Variants in DLGAP1 observed in about 807,000 individuals in gnomAD.
DLGAP1 encodes the protein DLG associated protein 1.
Under a neutral mutation model 90.8 loss-of-function variants are expected in DLGAP1, and 11 were observed. That is an observed-to-expected ratio of 0.12 (90% confidence interval 0.08 to 0.20). The LOEUF is 0.20. Ranked by LOEUF, DLGAP1 falls within the 10% of genes least tolerant of loss-of-function variation. The pLI is 1.00. For missense variants in DLGAP1, 1,050 were observed against 1,333.8 expected (o/e 0.79, Z 3.31); for synonymous variants, 558 against 540.7 (o/e 1.03, Z -0.44).
intron 7 of DLGAP1, among the ~76,000 whole-genome samples, chr18:3,619,045 C>A (rs949130574): frequency 1.1e-4 from 16 of 152,120 alleles, no homozygotes; most frequent in Admixed American, 9.2e-4. Flanking sequence ...CGTGCATAGA[C>A]CAAGTGAGGA....
In DLGAP1 at chr18:3,974,084, T is replaced by A. The variant is rs374592999; in HGVS notation, c.-73+31032A>T. Among the ~76,000 whole-genome samples, 267 of 152,152 alleles carry A rather than the reference T, an allele frequency of 1.8e-3. 6 individuals are homozygous for A. The South Asian group carries it at 0.027, about 15-fold the overall frequency. ...GCACAGTAAAGACACTTTTTATTTT[T>A]TTTTTTTTTGAGAAGGAGTCTCACT... is the stretch of plus-strand genomic sequence containing the variant. On this transcript the variant is annotated intron_variant, in intron 3 of 12. Transcript: ENST00000315677.
At chr18:3,859,049 C>G (rs2069857286) in intron 4 of DLGAP1, among the ~76,000 whole-genome samples, 1 of 152,160 alleles carries the variant, frequency 6.6e-6, no homozygotes, top group Non-Finnish European at 1.5e-5. Flanking sequence ...TTAATTGCAA[C>G]TCAAAAATTA....
At chr18:4,118,333 T>G (rs986562015) in intron 2 of DLGAP1, among the ~76,000 whole-genome samples, 2 of 152,148 alleles carry the variant, frequency 1.3e-5, no homozygotes, top group Non-Finnish European at 1.5e-5. Flanking sequence ...GAACCCACTC[T>G]TGTCCCAGAG....
Position 3,653,411 on chromosome 18 carries a change from T to C in DLGAP1, c.1592-71163A>G, listed in dbSNP as rs1473712015. On this transcript the variant is annotated intron_variant, in intron 7 of 12. Coordinates refer to ENST00000315677, the MANE Select transcript of DLGAP1 (RefSeq NM_004746.4). This position sits in a 1 kb window ranked among gnomAD's most constrained non-coding sequence, Gnocchi z 4.6. ...ACTGAACTTTTTCCCTATTCACTTA[T>C]TTTTCCTCATTGCAAAATAATCAAA... The C allele has an allele frequency of 1.3e-5, 2 of 152,238 alleles. No homozygotes were observed. Among genetic ancestry groups the C allele is most frequent in the African/African-American group, 2.4e-5 (1 of 41,470 alleles). 9.4% of individuals were successfully genotyped at this position (152,238 alleles called of 1,614,324 possible). A position where few individuals can be genotyped will look rare whatever the true frequency, so the allele number is the denominator to read the frequency against.
rs368385922 is a variant in DLGAP1 at position 3,694,570 on chromosome 18, G to A, written c.1591+34565C>T. On this transcript the variant is annotated intron_variant, in intron 7 of 12. Coordinates refer to ENST00000315677, the MANE Select transcript of DLGAP1 (RefSeq NM_004746.4). ...GTTGTTTCCTGACTTTTTAATGATC[G>A]CCATTGTAACTGGCATGAGATGGTA... Among the ~76,000 whole-genome samples, 53 of 152,188 alleles carry A rather than the reference G, an allele frequency of 3.5e-4. No individual in the cohort carries two copies. The East Asian group carries it at 4.8e-3, about 14-fold the overall frequency.
At chr18:3,600,733 T>C (rs1488682212) in intron 7 of DLGAP1, among the ~76,000 whole-genome samples, 1 of 36,930 alleles carries the variant, frequency 2.7e-5, no homozygotes, top group Admixed American at 2.6e-4. Flanking sequence ...GATATAGATA[T>C]ATATAGATAT....
chr18:3,841,601 T>C (rs562150098), intron 4 of DLGAP1, among the ~76,000 whole-genome samples: 1 of 152,308 alleles, frequency 6.6e-6, no homozygotes, highest in South Asian at 2.1e-4. Flanking sequence ...CATTCCTTAA[T>C]ATCAGCATCA....
rs1462698918 is a variant in DLGAP1, at chr18:4,200,774, C to A, written c.-266-49487G>T. On this transcript the variant is annotated intron_variant, in intron 1 of 12. Coordinates refer to ENST00000315677, the MANE Select transcript of DLGAP1 (RefSeq NM_004746.4). ...TATAATTGACTAAATTTAGTATATG[C>A]TAAAACTAGGGCAATTCTTGTCCTT... Among the ~76,000 whole-genome samples the A allele has an allele frequency of 2.0e-5, 3 of 151,982 alleles. No individual in the cohort carries two copies. The East Asian group carries it at 5.8e-4, about 29-fold the overall frequency.
chr18:3,920,927 T>C (rs2072256158), intron 3 of DLGAP1, among the ~76,000 whole-genome samples: 1 of 152,186 alleles, frequency 6.6e-6, no homozygotes, highest in African/African-American at 2.4e-5. Context: ...TAGAAAGGAT[T>C]ATTAGGTAAC....
At chr18:3,741,240 CCATCACCAT>C (rs2062999951) in intron 6 of DLGAP1, among the ~76,000 whole-genome samples, 1 of 123,226 alleles carries the variant, frequency 8.1e-6, no homozygotes, top group African/African-American at 3.3e-5. Flanking sequence ...ACCACCACCA[CCATCACCAT>C]CACCACCACA....
intron 7 of DLGAP1, among the ~76,000 whole-genome samples, chr18:3,634,274 T>C (rs944268260): frequency 6.6e-6 from 1 of 151,700 alleles, no homozygotes; most frequent in Non-Finnish European, 1.5e-5. Context: ...AAAATCAAAT[T>C]AATTAAAAGG....
intron 7 of DLGAP1, chr18:3,596,582 G>T: frequency 4.5e-6 from 1 of 224,294 alleles, no homozygotes; most frequent in Non-Finnish European, 8.9e-6. Context: ...TGGCCAGACT[G>T]AGAGAAAGGA....
chr18:4,231,517 G>A (rs1778934858), intron 1 of DLGAP1, among the ~76,000 whole-genome samples: 1 of 152,142 alleles, frequency 6.6e-6, no homozygotes, highest in African/African-American at 2.4e-5. Context: ...AAATTACTGT[G>A]AAGCAATTAG....
At chr18:3,627,885 T>TA (rs1335611418) in intron 7 of DLGAP1, among the ~76,000 whole-genome samples, 1 of 145,902 alleles carries the variant, frequency 6.9e-6, no homozygotes, top group East Asian at 2.0e-4. Flanking sequence ...CTTTTTTTTT[T>TA]TTTTTTTTTT....
At chr18:3,567,368 TTAAA>T in intron 9 of DLGAP1, 118 bp downstream of exon 9, 1 of 801,878 alleles carries the variant, frequency 1.2e-6, no homozygotes, top group Non-Finnish European at 2.0e-6. Context: ...ACTTCACCCT[TTAAA>T]TACTCCCAAA....
At chr18:3,546,766 G>C (rs897523069) in intron 9 of DLGAP1, among the ~76,000 whole-genome samples, 1 of 152,010 alleles carries the variant, frequency 6.6e-6, no homozygotes, top group Non-Finnish European at 1.5e-5. Context: ...TAGTCAAAAA[G>C]AATTAAGGTT....
chr18:4,289,649 C>CT (rs35868526), intron 1 of DLGAP1, among the ~76,000 whole-genome samples: 4 of 152,000 alleles, frequency 2.6e-5, no homozygotes, highest in Non-Finnish European at 4.4e-5. Flanking sequence ...AGAAAGAAAA[C>CT]TTTTTTTCAT....
intron 4 of DLGAP1, among the ~76,000 whole-genome samples, chr18:3,869,683 C>T (rs1331278988): frequency 1.3e-5 from 2 of 152,156 alleles, no homozygotes; most frequent in African/African-American, 4.8e-5. Flanking sequence ...TACTGTCATC[C>T]CATATTGGAA....
At chr18:4,206,795 C>T (rs1568450669) in intron 1 of DLGAP1, among the ~76,000 whole-genome samples, 1 of 152,264 alleles carries the variant, frequency 6.6e-6, no homozygotes, top group East Asian at 1.9e-4. Flanking sequence ...CTGCTTGTTT[C>T]ACAGAAAGCC....
Sources: allele counts gnomAD v4.1 joint callset (sites outside exome capture counted in the v4.1 genomes callset), GRCh38; gene constraint gnomAD v4.1.1; non-coding constraint Gnocchi (gnomAD v3.1); transcripts MANE v1.5; gene names NCBI Gene and HGNC (gene_info 2026-07-23, HGNC 2026-07-21).